The following SLC25A24 variants were observed in gnomAD, a reference collection of about 807,000 sequenced individuals.
SLC25A24 encodes the protein solute carrier family 25 member 24.
In SLC25A24, 49 loss-of-function variants were observed where a neutral mutation model predicts 60.7. That is an observed-to-expected ratio of 0.81 (90% confidence interval 0.64 to 1.02). SLC25A24 has a LOEUF of 1.02. Among genes scored for constraint, SLC25A24 ranks in the 50% least tolerant of loss-of-function variants. The pLI, the probability that SLC25A24 is intolerant of heterozygous loss-of-function variation, is 0.00. For synonymous variants in SLC25A24, 202 were observed against 200.6 expected, an observed-to-expected ratio of 1.01 and a Z score of -0.06; for missense variants, 564 against 586.3, an observed-to-expected ratio of 0.96 and a Z score of 0.39.
At chr1:108,199,873 G>A in intron 1 of SLC25A24, 83 bp downstream of exon 1, 2 of 1,114,080 alleles carry the variant, frequency 1.8e-6, no homozygotes, top group South Asian at 1.5e-5. Flanking sequence ...AACGCCTCAA[G>A]CCGCCGCCCT....
intron 1 of SLC25A24, among the ~76,000 whole-genome samples, chr1:108,195,863 G>A (rs1029977432): frequency 1.1e-4 from 16 of 152,168 alleles, no homozygotes; most frequent in African/African-American, 3.1e-4. Context: ...AACCAGGTGT[G>A]GTGGCATGTG....
At chr1:108,138,983 G>A in intron 9 of SLC25A24, 75 bp downstream of exon 9, 1 of 1,314,804 alleles carries the variant, frequency 7.6e-7, no homozygotes, top group Non-Finnish European at 1.0e-6. Flanking sequence ...CTGCATCTTA[G>A]TAGAACTTGG....
At chr1:108,187,219 C>A (rs1367734221) in intron 1 of SLC25A24, among the ~76,000 whole-genome samples, 1 of 152,010 alleles carries the variant, frequency 6.6e-6, no homozygotes, top group African/African-American at 2.4e-5. Flanking sequence ...AGAAAGATTT[C>A]TGGTTTAAAA....
intron 1 of SLC25A24, among the ~76,000 whole-genome samples, chr1:108,193,716 C>A (rs115454951): frequency 0.036 from 5,036 of 140,090 alleles, 994 homozygotes; most frequent in South Asian, 0.077. Flanking sequence ...CCTCCCCTCA[C>A]AGTTTTTTAT....
At chr1:108,165,347 T>C (rs184273559) in intron 3 of SLC25A24, among the ~76,000 whole-genome samples, 1 of 152,208 alleles carries the variant, frequency 6.6e-6, no homozygotes, top group Non-Finnish European at 1.5e-5. Context: ...CTGGGTATCC[T>C]TGTTGACTTT....
intron 3 of SLC25A24, among the ~76,000 whole-genome samples, chr1:108,162,206 G>C (rs1680107177): frequency 6.6e-6 from 1 of 151,526 alleles, no homozygotes; most frequent in African/African-American, 2.4e-5. Context: ...TTGGACATTT[G>C]GCTTGGTTCC....
chr1:108,157,768 T>C, intron 4 of SLC25A24, 148 bp from the exon 5 acceptor site: 1 of 814,458 alleles, frequency 1.2e-6, no homozygotes, highest in Non-Finnish European at 1.9e-6. Context: ...GTACATAGAT[T>C]ATAAGTTGTC....
chr1:108,148,860 T>C (rs1679679495), intron 6 of SLC25A24, among the ~76,000 whole-genome samples: 1 of 152,224 alleles, frequency 6.6e-6, no homozygotes, highest in African/African-American at 2.4e-5. Flanking sequence ...TGTGATGATG[T>C]GTCTCGAAAT....
chr1:108,179,608 T>C (rs993993873), intron 3 of SLC25A24, among the ~76,000 whole-genome samples: 1 of 152,108 alleles, frequency 6.6e-6, no homozygotes, highest in Non-Finnish European at 1.5e-5. Context: ...CTGTTATCTG[T>C]AACAATATGA....
intron 7 of SLC25A24, 24 bp downstream of exon 7, chr1:108,148,255 G>C (rs377240133): frequency 9.6e-6 from 13 of 1,353,510 alleles, no homozygotes; most frequent in African/African-American, 4.3e-5. Flanking sequence ...CCATCACACA[G>C]TCAGACTTGA....
At chr1:108,165,390 G>T (rs1192104236) in intron 3 of SLC25A24, among the ~76,000 whole-genome samples, 1 of 150,340 alleles carries the variant, frequency 6.7e-6, no homozygotes, top group Non-Finnish European at 1.5e-5. Context: ...GTTGACAGTG[G>T]GGTGTGAAAG....
At chr1:108,186,346 C>T (rs1648124600) in intron 1 of SLC25A24, among the ~76,000 whole-genome samples, 1 of 152,052 alleles carries the variant, frequency 6.6e-6, no homozygotes, top group Non-Finnish European at 1.5e-5. Flanking sequence ...CACTTGAGGT[C>T]AGGATTCAAG....
At chr1:108,176,676 C>T (rs114125272) in intron 3 of SLC25A24, among the ~76,000 whole-genome samples, 97 of 152,234 alleles carry the variant, frequency 6.4e-4, no homozygotes, top group African/African-American at 2.2e-3. Flanking sequence ...TGGTTGGAAA[C>T]AGACTGGTCA....
rs964682263 is a variant in SLC25A24 at position 108,136,654 on chromosome 1, C to A, written c.1433G>T (p.Ter478LeuextTer25). 6.2e-7 allele frequency: 1 copy of A among 1,609,456 alleles called. No homozygotes were observed. Reference protein sequence around the residue: ...MKQTLGVTQK* With the variant: ...MKQTLGVTQKL ...CAGGCTAAAGCAAAAAATGCAACAT[C>A]ATTTCTGGGTTACTCCTAAAGTTTG... is the stretch of plus-strand genomic sequence containing the variant. The change falls in exon 10 of 10, where the codon TGA becomes TTA. Residue 478 changes from the stop codon to leucine, a stop_lost. Coordinates refer to ENST00000565488, the MANE Select transcript of SLC25A24 (RefSeq NM_013386.5).
chr1:108,173,170 C>T (rs560987390), intron 3 of SLC25A24, among the ~76,000 whole-genome samples: 1 of 152,164 alleles, frequency 6.6e-6, no homozygotes, highest in African/African-American at 2.4e-5. Flanking sequence ...ATTTCGATAC[C>T]AGCCTAGATG....
chr1:108,179,915 A>G (rs1647853295), intron 3 of SLC25A24, among the ~76,000 whole-genome samples: 1 of 152,210 alleles, frequency 6.6e-6, no homozygotes, highest in African/African-American at 2.4e-5. Flanking sequence ...TTAATTAGCT[A>G]GACTTAGTCA....
Position 108,136,299 on chromosome 1 carries a change from C to A in SLC25A24, c.*354G>T. On this transcript the variant is annotated 3_prime_UTR_variant, in exon 10 of 10. Transcript: ENST00000565488. ...TTAAATATAAAGGAACTGGCATAAA[C>A]GTAAACCACCCGAAATAAAGATTAA... The A allele has an allele frequency of 6.2e-6, 1 of 161,164 alleles. No individual in the cohort carries two copies. Among genetic ancestry groups the A allele is most frequent in the East Asian group, 1.8e-4 (1 of 5,580 alleles). 10.0% of individuals were successfully genotyped at this position (161,164 alleles called of 1,614,324 possible). A position where few individuals can be genotyped will look rare whatever the true frequency, so the allele number is the denominator to read the frequency against.
intron 3 of SLC25A24, among the ~76,000 whole-genome samples, chr1:108,167,568 T>C (rs1251701222): frequency 6.6e-6 from 1 of 152,228 alleles, no homozygotes; most frequent in Non-Finnish European, 1.5e-5. Context: ...GTGCCATCTG[T>C]CACCCCTTTC....
chr1:108,182,335 T>A (rs1647959629), intron 2 of SLC25A24, among the ~76,000 whole-genome samples: 1 of 152,216 alleles, frequency 6.6e-6, no homozygotes, highest in African/African-American at 2.4e-5. Context: ...AATTAAGAAG[T>A]AGCAGAACTA....
Sources: gnomAD v4.1 joint callset for allele counts (sites outside exome capture counted in the v4.1 genomes callset) on GRCh38, gnomAD v4.1.1 for gene constraint, MANE v1.5 for transcripts, NCBI Gene and HGNC (gene_info 2026-07-23, HGNC 2026-07-21) for gene names.